ARHGAP21: variants seen among roughly 807,000 people sequenced by gnomAD.
ARHGAP21 encodes rho GTPase-activating protein 21.
A neutral mutation model predicts 164.6 loss-of-function variants in ARHGAP21; 38 were observed. That is an observed-to-expected ratio of 0.23 (90% CI 0.18 to 0.30). The LOEUF (loss-of-function observed/expected upper bound fraction) is 0.30. Ranked by LOEUF, ARHGAP21 falls within the 10% of genes least tolerant of loss-of-function variation. The pLI is 1.00. For missense variants in ARHGAP21, 1,822 were observed against 2,370.7 expected, an observed-to-expected ratio of 0.77 and a Z score of 4.81; for synonymous variants, 766 against 857.9, an observed-to-expected ratio of 0.89 and a Z score of 1.87.
At chr10:24,621,511 G>C (rs887889121) in intron 8 of ARHGAP21, 142 bp from the exon 9 acceptor site, 6 of 711,278 alleles carry the variant, frequency 8.4e-6, no homozygotes, top group Non-Finnish European at 1.4e-5. Flanking sequence ...CACAACATAA[G>C]GGTACTCTAC....
chr10:24,650,004 A>G (rs953926421), intron 4 of ARHGAP21, among the ~76,000 whole-genome samples: 3 of 152,202 alleles, frequency 2.0e-5, no homozygotes, highest in African/African-American at 7.2e-5. Context: ...TATTGGAAGA[A>G]ATTAACTAGA....
intron 9 of ARHGAP21, among the ~76,000 whole-genome samples, chr10:24,610,156 C>T (rs1188507970): frequency 5.3e-5 from 8 of 152,272 alleles, no homozygotes; most frequent in Non-Finnish European, 1.5e-5. Context: ...ACGGGTGGAT[C>T]ACCTGAGGTC....
At chr10:24,644,534 A>G (rs1837374770) in intron 4 of ARHGAP21, among the ~76,000 whole-genome samples, 1 of 152,170 alleles carries the variant, frequency 6.6e-6, no homozygotes, top group African/African-American at 2.4e-5. Context: ...CGTCCACTGC[A>G]CTGAAACTGT....
chr10:24,676,286 T>C (rs1036824923), intron 2 of ARHGAP21, among the ~76,000 whole-genome samples: 4 of 152,370 alleles, frequency 2.6e-5, no homozygotes, highest in Admixed American at 2.6e-4. Context: ...TATCTCTTTT[T>C]TGCCAACTTT....
In ARHGAP21 at chr10:24,615,388, T is replaced by G. The variant is rs565038072; in HGVS notation, c.2422+4085A>C. ...CACTGAGCACACATACAGCCAACGTTGGGGTAAGAGGGAGGAGGAGAAGTC... is the reference window on the plus strand; with the variant it reads ...CACTGAGCACACATACAGCCAACGTGGGGGTAAGAGGGAGGAGGAGAAGTC... On this transcript the variant is annotated intron_variant, in intron 9 of 25. Transcript: ENST00000396432. Among the ~76,000 whole-genome samples the G allele has an allele frequency of 1.9e-3, 296 of 152,202 alleles. 3 individuals are homozygous for G. The highest frequency in any genetic ancestry group is 6.9e-3 in the African/African-American group (287 of 41,542).
chr10:24,703,776 T>C (rs1035246601), intron 2 of ARHGAP21, among the ~76,000 whole-genome samples: 2 of 152,134 alleles, frequency 1.3e-5, no homozygotes, highest in Non-Finnish European at 2.9e-5. Context: ...TTCCGACCTA[T>C]ACCATAAGCT....
At chr10:24,637,996 C>G (rs1235990108) in intron 4 of ARHGAP21, among the ~76,000 whole-genome samples, 1 of 151,852 alleles carries the variant, frequency 6.6e-6, no homozygotes, top group African/African-American at 2.4e-5. Context: ...TCCCGAGTAG[C>G]TGGGATAACA....
At chr10:24,611,841 T>G (rs1002593172) in intron 9 of ARHGAP21, among the ~76,000 whole-genome samples, 20 of 152,196 alleles carry the variant, frequency 1.3e-4, no homozygotes, top group African/African-American at 3.9e-4. Context: ...TAACATTACT[T>G]CTTGGCAGGA....
intron 4 of ARHGAP21, among the ~76,000 whole-genome samples, chr10:24,637,356 C>T (rs1359848455): frequency 1.3e-5 from 2 of 152,152 alleles, no homozygotes; most frequent in African/African-American, 2.4e-5. Flanking sequence ...CTAATATTTA[C>T]AATAGTTGGC....
At chr10:24,595,087 G>A in intron 20 of ARHGAP21, 30 bp downstream of exon 20, 1 of 1,606,104 alleles carries the variant, frequency 6.2e-7, no homozygotes. Context: ...AATTTTAGTT[G>A]TATCCCCCAA....
chr10:24,645,898 G>A (rs1837525354), intron 4 of ARHGAP21, among the ~76,000 whole-genome samples: 1 of 152,120 alleles, frequency 6.6e-6, no homozygotes, highest in South Asian at 2.1e-4. Context: ...AAGGAAGAGG[G>A]AAAGGCAGGG....
intron 9 of ARHGAP21, among the ~76,000 whole-genome samples, chr10:24,608,959 TA>T (rs2131011868): frequency 6.6e-6 from 1 of 152,346 alleles, no homozygotes; most frequent in South Asian, 2.1e-4. Flanking sequence ...TTAATTTCAC[TA>T]AAACTTGTAG....
intron 2 of ARHGAP21, among the ~76,000 whole-genome samples, chr10:24,680,739 C>T (rs1189095149): frequency 1.3e-5 from 2 of 152,102 alleles, no homozygotes; most frequent in African/African-American, 2.4e-5. Context: ...CCCACATTGC[C>T]GCTGATCTGT....
intron 6 of ARHGAP21, among the ~76,000 whole-genome samples, chr10:24,632,957 T>C (rs1324568964): frequency 6.6e-6 from 1 of 152,090 alleles, no homozygotes; most frequent in Non-Finnish European, 1.5e-5. Context: ...GGCAGGCAAA[T>C]GGATTAAAAG....
chr10:24,709,732 T>A (rs1844584550), intron 2 of ARHGAP21, among the ~76,000 whole-genome samples: 2 of 144,828 alleles, frequency 1.4e-5, no homozygotes, highest in Non-Finnish European at 3.1e-5. Context: ...GAGCAAAACC[T>A]TCTCTTAAAA....
intron 25 of ARHGAP21, among the ~76,000 whole-genome samples, chr10:24,589,040 G>A (rs956789742): frequency 1.3e-5 from 2 of 152,060 alleles, no homozygotes; most frequent in Non-Finnish European, 1.5e-5. Context: ...CTAGTTCTTT[G>A]TATTATGCTA....
chr10:24,691,676 A>T (rs1478194473), intron 2 of ARHGAP21, among the ~76,000 whole-genome samples: 1 of 152,214 alleles, frequency 6.6e-6, no homozygotes, highest in African/African-American at 2.4e-5. Flanking sequence ...GCCTTTCAAC[A>T]TAATGTATTT....
intron 4 of ARHGAP21, among the ~76,000 whole-genome samples, chr10:24,659,026 T>A (rs1057169189): frequency 2.0e-5 from 3 of 152,036 alleles, no homozygotes; most frequent in African/African-American, 7.3e-5. Context: ...AATACAAAAA[T>A]GGAAAACAAC....
At chr10:24,628,766 TGTGTGC>T (rs1367865821) in intron 7 of ARHGAP21, among the ~76,000 whole-genome samples, 1 of 112,830 alleles carries the variant, frequency 8.9e-6, no homozygotes, top group Admixed American at 9.2e-5. Flanking sequence ...TGTGTGTGTG[TGTGTGC>T]ATATATATAT....
Sources: gnomAD v4.1 joint callset for allele counts (sites outside exome capture counted in the v4.1 genomes callset) on GRCh38, gnomAD v4.1.1 for gene constraint, MANE v1.5 for transcripts, NCBI Gene and HGNC (gene_info 2026-07-23, HGNC 2026-07-21) for gene names.